Variants in C12orf42 observed in about 807,000 individuals in gnomAD.
C12orf42 encodes the protein uncharacterized protein C12orf42.
In C12orf42, 25 loss-of-function variants were observed where a neutral mutation model predicts 21.6. That is an observed-to-expected ratio of 1.16 (90% CI 0.84 to 1.62). C12orf42 has a LOEUF of 1.62. Among genes scored for constraint, C12orf42 ranks in the 40% most tolerant of loss-of-function variants. The pLI is 0.00. For missense variants in C12orf42, 483 were observed against 459.3 expected (o/e 1.05, Z -0.47); for synonymous variants, 174 against 175.0 (o/e 0.99, Z 0.05).
intron 10 of C12orf42, among the ~76,000 whole-genome samples, chr12:103,258,900 A>C (rs547297974): frequency 3.3e-5 from 5 of 152,284 alleles, no homozygotes; most frequent in African/African-American, 1.2e-4. Flanking sequence ...TCCTCGTCAA[A>C]TTTATCTGTC....
chr12:103,541,386 G>T, the C12orf42 span, among the ~76,000 whole-genome samples: 1 of 152,144 alleles, frequency 6.6e-6, no homozygotes, highest in African/African-American at 2.4e-5. Flanking sequence ...ATGCATATAT[G>T]AAAGTGGTCC....
intron 4 of C12orf42, among the ~76,000 whole-genome samples, chr12:103,333,076 A>C (rs2041383180): frequency 6.6e-6 from 1 of 152,186 alleles, no homozygotes; most frequent in African/African-American, 2.4e-5. Flanking sequence ...ATTTAAGAAG[A>C]GAGTGATGGA....
the C12orf42 span, among the ~76,000 whole-genome samples, chr12:103,171,759 C>T: frequency 3.1e-3 from 479 of 152,132 alleles, 1 homozygote; most frequent in African/African-American, 0.011. Context: ...GGCCCACCTA[C>T]GCCTAGGTTT....
chr12:103,424,619 C>T (rs1351232144), intron 2 of C12orf42, among the ~76,000 whole-genome samples: 2 of 152,174 alleles, frequency 1.3e-5, no homozygotes, highest in East Asian at 1.9e-4. Context: ...GGGACTGTGC[C>T]ATGAGGAACA....
intron 10 of C12orf42, among the ~76,000 whole-genome samples, chr12:103,250,460 G>A (rs952903314): frequency 3.3e-5 from 5 of 151,994 alleles, no homozygotes; most frequent in African/African-American, 9.7e-5. Context: ...GTATAGCTTC[G>A]AACTGCACCC....
chr12:103,244,515 A>G (rs563107007), intron 10 of C12orf42, among the ~76,000 whole-genome samples: 16 of 151,640 alleles, frequency 1.1e-4, no homozygotes, highest in Middle Eastern at 3.4e-3. Context: ...TCAACTGTAA[A>G]TATTCCTCTT....
At chr12:103,301,200 A>C (rs7133233), downstream of C12orf42, among the ~76,000 whole-genome samples, 27,180 of 152,112 alleles carry the variant, frequency 0.18, 2,447 homozygotes, top group South Asian at 0.23. Context: ...AATTTTTTTT[A>C]AATGCAGTAA....
intron 5 of C12orf42, 122 bp from the exon 6 acceptor site, chr12:103,302,681 A>C (rs2037837987): frequency 4.0e-6 from 1 of 251,054 alleles, no homozygotes; most frequent in Admixed American, 7.8e-5. Flanking sequence ...GAGGGGAAAG[A>C]AAAAAAAAAA....
chr12:103,302,705 G>C, intron 5 of C12orf42, 146 bp from the exon 6 acceptor site: 1 of 648,738 alleles, frequency 1.5e-6, no homozygotes, highest in African/African-American at 1.9e-5. Flanking sequence ...ACCCTGACAT[G>C]ATCCTCACCT....
chr12:103,253,699 T>G (rs1246833155), intron 10 of C12orf42, among the ~76,000 whole-genome samples: 1 of 152,082 alleles, frequency 6.6e-6, no homozygotes, highest in Non-Finnish European at 1.5e-5. Context: ...TAAAGTAAAC[T>G]TTCACTCCTG....
At chr12:103,179,125 T>C in the C12orf42 span, among the ~76,000 whole-genome samples, 4 of 152,208 alleles carry the variant, frequency 2.6e-5, no homozygotes, top group African/African-American at 7.2e-5. Context: ...TACTAATTCA[T>C]ACCCCAAACT....
chr12:103,140,713 T>C, the C12orf42 span, among the ~76,000 whole-genome samples: 6 of 152,064 alleles, frequency 3.9e-5, no homozygotes, highest in African/African-American at 7.2e-5. Flanking sequence ...TTTATTAGCA[T>C]AGGGAACAAA....
At chr12:103,308,427 T>A (rs2038599355) in intron 4 of C12orf42, among the ~76,000 whole-genome samples, 1 of 152,254 alleles carries the variant, frequency 6.6e-6, no homozygotes, top group Non-Finnish European at 1.5e-5. Context: ...TTTACTCTTA[T>A]AATTCAGAAA....
chr12:103,224,962 TA>T, the C12orf42 span, among the ~76,000 whole-genome samples: 1 of 152,146 alleles, frequency 6.6e-6, no homozygotes, highest in East Asian at 1.9e-4. Context: ...CGTACGTTTT[TA>T]TGAGAATTAT....
At chr12:103,085,540 GA>G in the C12orf42 span, among the ~76,000 whole-genome samples, 2 of 149,660 alleles carry the variant, frequency 1.3e-5, no homozygotes, top group South Asian at 4.2e-4. Flanking sequence ...CGAATGAAAA[GA>G]TTTTTTTTTT....
the C12orf42 span, chr12:103,548,540 ACT>A: frequency 6.6e-6 from 1 of 152,062 alleles, no homozygotes; most frequent in East Asian, 1.9e-4. Context: ...ACATACATCC[ACT>A]CTCTTTAATT....
At chr12:103,376,405 G>A (rs1024818131) in intron 3 of C12orf42, among the ~76,000 whole-genome samples, 2 of 151,904 alleles carry the variant, frequency 1.3e-5, no homozygotes, top group Non-Finnish European at 2.9e-5. Flanking sequence ...AGGGCCTGTC[G>A]AGGGGTGGGG....
At chr12:103,105,532 C>T in the C12orf42 span, among the ~76,000 whole-genome samples, 1 of 152,182 alleles carries the variant, frequency 6.6e-6, no homozygotes, top group South Asian at 2.1e-4. Context: ...AAAAATACAC[C>T]TACCAAGTAC....
At chr12:103,411,754 G>C (rs2048866173) in intron 2 of C12orf42, among the ~76,000 whole-genome samples, 1 of 152,146 alleles carries the variant, frequency 6.6e-6, no homozygotes, top group African/African-American at 2.4e-5. Flanking sequence ...AGGACTACGA[G>C]CAATAAATGT....
Sources: allele counts gnomAD v4.1 joint callset (sites outside exome capture counted in the v4.1 genomes callset), GRCh38; gene constraint gnomAD v4.1.1; transcripts MANE v1.5; gene names NCBI Gene and HGNC (gene_info 2026-07-23, HGNC 2026-07-21).